Variants in CTDSPL observed in about 807,000 individuals in gnomAD.
CTDSPL encodes CTD small phosphatase-like protein.
CTDSPL carries 8 observed loss-of-function variants against 30.5 expected under a neutral mutation model. The ratio of observed to expected loss-of-function variants is 0.26; its 90% CI spans 0.15 to 0.47. The LOEUF is 0.47. Among genes scored for constraint, CTDSPL ranks in the 20% least tolerant of loss-of-function variants. CTDSPL has a pLI of 0.99. For missense variants in CTDSPL, 248 were observed against 366.1 expected (o/e 0.68, Z 2.63); for synonymous variants, 110 against 137.9 (o/e 0.80, Z 1.42).
At chr3:37,979,726 C>G (rs1427963644) in intron 7 of CTDSPL, among the ~76,000 whole-genome samples, 2 of 152,230 alleles carry the variant, frequency 1.3e-5, no homozygotes, top group African/African-American at 2.4e-5. Context: ...TGCCACTGCA[C>G]TCAAGCCTGG....
intron 1 of CTDSPL, among the ~76,000 whole-genome samples, chr3:37,931,174 G>A (rs1028241205): frequency 1.4e-5 from 2 of 147,954 alleles, no homozygotes; most frequent in Admixed American, 6.7e-5. Context: ...TCGAGACAAG[G>A]TTTCACTGTG....
intron 7 of CTDSPL, among the ~76,000 whole-genome samples, chr3:37,980,302 T>C (rs1157550985): frequency 2.0e-5 from 3 of 152,214 alleles, no homozygotes; most frequent in African/African-American, 7.2e-5. Flanking sequence ...ACAGTGACCC[T>C]AAGTGGAAGC....
At chr3:37,907,769 A>T (rs1396114341) in intron 1 of CTDSPL, among the ~76,000 whole-genome samples, 1 of 152,222 alleles carries the variant, frequency 6.6e-6, no homozygotes, top group Non-Finnish European at 1.5e-5. Flanking sequence ...TACAATGCAC[A>T]TTTTTCTAGC....
chr3:37,889,257 G>T, intron 1 of CTDSPL, among the ~76,000 whole-genome samples: 2 of 152,240 alleles, frequency 1.3e-5, no homozygotes, highest in African/African-American at 4.8e-5. Flanking sequence ...GACATAACAC[G>T]ATCTGACCTC....
chr3:37,914,700 C>G (rs1698623759), intron 1 of CTDSPL, among the ~76,000 whole-genome samples: 1 of 152,064 alleles, frequency 6.6e-6, no homozygotes, highest in South Asian at 2.1e-4. Flanking sequence ...TTAGTTCCCT[C>G]ATATTTTATT....
At chr3:37,919,788 A>T (rs1698692513) in intron 1 of CTDSPL, among the ~76,000 whole-genome samples, 6 of 152,118 alleles carry the variant, frequency 3.9e-5, no homozygotes, top group African/African-American at 2.4e-5. Context: ...GGATTCCAGG[A>T]GTTGTGCTTC....
intron 1 of CTDSPL, among the ~76,000 whole-genome samples, chr3:37,885,207 G>C (rs951610830): frequency 6.6e-6 from 1 of 152,138 alleles, no homozygotes; most frequent in Non-Finnish European, 1.5e-5. Flanking sequence ...TTGGAATATG[G>C]GTATCCAAGA....
At chr3:37,956,760 CA>C (rs1191376275) in intron 2 of CTDSPL, among the ~76,000 whole-genome samples, 1 of 152,156 alleles carries the variant, frequency 6.6e-6, no homozygotes. Flanking sequence ...AAAGAAAAAA[CA>C]AACAGTTTTT....
intron 1 of CTDSPL, among the ~76,000 whole-genome samples, chr3:37,863,801 G>T (rs950722277): frequency 1.3e-5 from 2 of 152,230 alleles, no homozygotes; most frequent in African/African-American, 4.8e-5. Flanking sequence ...CCCTCAGGTT[G>T]GGCATTTGTC....
chr3:37,863,559 G>A (rs1697971098), intron 1 of CTDSPL, among the ~76,000 whole-genome samples: 1 of 152,186 alleles, frequency 6.6e-6, no homozygotes, highest in Non-Finnish European at 1.5e-5. Flanking sequence ...CTGGACTGAG[G>A]TCAGGTGCAG....
chr3:37,934,391 G>T (rs548016920), intron 1 of CTDSPL, among the ~76,000 whole-genome samples: 77 of 151,922 alleles, frequency 5.1e-4, no homozygotes, highest in African/African-American at 1.8e-3. Flanking sequence ...ATGTGAAAAT[G>T]TTTACATTTT....
At position 37,975,309 on chromosome 3, in the gene CTDSPL, G is replaced by C. The variant is rs763098874; in HGVS notation, c.520-400G>C. Among the ~76,000 whole-genome samples the C allele has an allele frequency of 4.6e-5, 7 of 152,202 alleles. No individual in the cohort carries two copies. The highest frequency in any genetic ancestry group is 1.0e-4 in the Non-Finnish European group (7 of 68,040). On this transcript the variant is annotated intron_variant, in intron 6 of 7. Coordinates refer to ENST00000273179, the MANE Select transcript of CTDSPL (RefSeq NM_001008392.2). The surrounding 1 kb of genome is among the most constrained non-coding windows in gnomAD (Gnocchi z 4.9). ...AGAGTTTTCAGCAGAGGAGTGACAT[G>C]ATGGCACATATGTTTTCCAGTGGCC...
At position 37,980,914 on chromosome 3, in the gene CTDSPL, C is replaced by A; in HGVS notation, c.*47C>A. On this transcript the variant is annotated 3_prime_UTR_variant, in exon 8 of 8. Coordinates refer to ENST00000273179, the MANE Select transcript of CTDSPL (RefSeq NM_001008392.2). ...CGCCTGTGCACTCTGGAACCTCTGG[C>A]CTCAGGGGACCTGCCTGTCCTCAGC... is the stretch of plus-strand genomic sequence containing the variant. The A allele has an allele frequency of 6.3e-7, 1 of 1,582,706 alleles. No individual in the cohort carries two copies. Among genetic ancestry groups the A allele is most frequent in the South Asian group, 1.1e-5 (1 of 88,596 alleles).
rs183117264 is a variant in CTDSPL, at chr3:37,944,364, T to C, written c.80-2693T>C. Among the ~76,000 whole-genome samples the C allele has an allele frequency of 2.1e-3, 315 of 150,640 alleles. 5 individuals carry two copies. The highest frequency in any genetic ancestry group is 7.3e-3 in the African/African-American group (302 of 41,458). On this transcript the variant is annotated intron_variant, in intron 1 of 7. Transcript: ENST00000273179. ...ATATTAACTTTTTCACCTAATGTTA[T>C]GACGTCAACATTTGTCCATTAAACT...
intron 1 of CTDSPL, among the ~76,000 whole-genome samples, chr3:37,869,278 T>C (rs1352599795): frequency 1.3e-5 from 2 of 152,120 alleles, no homozygotes; most frequent in African/African-American, 4.8e-5. Flanking sequence ...TTCTTTGTGT[T>C]GGGCGCATTT....
intron 1 of CTDSPL, among the ~76,000 whole-genome samples, chr3:37,923,701 C>T (rs1380312334): frequency 6.6e-6 from 1 of 152,000 alleles, no homozygotes; most frequent in African/African-American, 2.4e-5. Flanking sequence ...TATAGGCTGT[C>T]AGCAATGACA....
chr3:37,938,695 T>G lies in CTDSPL; in HGVS notation c.80-8362T>G, dbSNP rs1460945358. Among the ~76,000 whole-genome samples the G allele has an allele frequency of 2.0e-5, 3 of 149,078 alleles. No individual in the cohort carries two copies. The Admixed American group carries it at 2.0e-4, about 10-fold the overall frequency. ...TTTTTGTGGGTTTTTTTTTTGTTTT[T>G]TTTGAAATGGAGTCTTGCTCTGTTG... On this transcript the variant is annotated intron_variant, in intron 1 of 7. Coordinates refer to ENST00000273179, the MANE Select transcript of CTDSPL (RefSeq NM_001008392.2).
rs144388239 is a variant in CTDSPL, at chr3:37,977,259, CTG to C, written c.705+1369_705+1370del. Among the ~76,000 whole-genome samples, 662 of 152,352 alleles carry C rather than the reference CTG, an allele frequency of 4.3e-3. 4 individuals carry two copies. The highest frequency in any genetic ancestry group is 0.015 in the African/African-American group (636 of 41,578). On this transcript the variant is annotated intron_variant, in intron 7 of 7. Transcript: ENST00000273179. The stretch of plus-strand genomic sequence containing the variant: ...TTTCTTACATTGTCTAATATCCAGA[CTG>C]TGTTCATATTGTCCCTATCATCTCG...
intron 1 of CTDSPL, among the ~76,000 whole-genome samples, chr3:37,877,636 T>C (rs537140743): frequency 6.7e-6 from 1 of 148,922 alleles, no homozygotes; most frequent in South Asian, 2.2e-4. Context: ...TCATTCTATT[T>C]GTACTGTTTT....
Sources: allele counts gnomAD v4.1 joint callset (sites outside exome capture counted in the v4.1 genomes callset), GRCh38; gene constraint gnomAD v4.1.1; non-coding constraint Gnocchi (gnomAD v3.1); transcripts MANE v1.5; gene names NCBI Gene and HGNC (gene_info 2026-07-23, HGNC 2026-07-21).